The following KIRREL3 variants were observed in gnomAD, a reference collection of about 807,000 sequenced individuals.
KIRREL3 encodes the protein kirre like nephrin family adhesion molecule 3.
A neutral mutation model predicts 89.7 loss-of-function variants in KIRREL3; 36 were observed. The observed-to-expected ratio is 0.40, with a 90% CI of 0.31 to 0.53. KIRREL3 has a LOEUF of 0.53. Among genes scored for constraint, KIRREL3 ranks in the 20% least tolerant of loss-of-function variants. The pLI is 0.49. For synonymous variants in KIRREL3, 445 were observed against 441.4 expected (o/e 1.01, Z -0.10); for missense variants, 864 against 1,056.6 (o/e 0.82, Z 2.53).
intron 1 of KIRREL3, among the ~76,000 whole-genome samples, chr11:126,881,999 G>T (rs961711298): frequency 2.0e-5 from 3 of 152,238 alleles, no homozygotes; most frequent in African/African-American, 7.2e-5. Flanking sequence ...AGGGGTGTGC[G>T]TATATATGGG....
At chr11:126,767,040 A>G (rs1949846202) in intron 1 of KIRREL3, among the ~76,000 whole-genome samples, 1 of 152,216 alleles carries the variant, frequency 6.6e-6, no homozygotes, top group African/African-American at 2.4e-5. Flanking sequence ...CATGAGAGGT[A>G]CAGGGCTGAT....
intron 1 of KIRREL3, among the ~76,000 whole-genome samples, chr11:126,665,774 A>C (rs1409417521): frequency 6.6e-6 from 1 of 152,248 alleles, no homozygotes; most frequent in African/African-American, 2.4e-5. Flanking sequence ...CCAGTGGTGA[A>C]GAGCACAGAC....
chr11:126,798,797 A>T (rs1950892926), intron 1 of KIRREL3, among the ~76,000 whole-genome samples: 1 of 152,204 alleles, frequency 6.6e-6, no homozygotes, highest in Non-Finnish European at 1.5e-5. Context: ...TTGACTGAGG[A>T]GGCAAAATGC....
intron 1 of KIRREL3, among the ~76,000 whole-genome samples, chr11:126,894,401 T>C (rs1946055434): frequency 6.6e-6 from 1 of 151,420 alleles, no homozygotes; most frequent in Admixed American, 6.6e-5. Context: ...ATGCTTTGAG[T>C]GATTCTTATT....
chr11:126,508,048 G>T lies in KIRREL3; in HGVS notation c.433+13267C>A, dbSNP rs1166502814. On this transcript the variant is annotated intron_variant, in intron 4 of 16. Transcript: ENST00000525144. This position sits in a 1 kb window ranked among gnomAD's most constrained non-coding sequence, Gnocchi z 4.9. ...GGGTAGGGCAGAGATAGTCCTTCCT[G>T]GGGGGTGGCTGTGTGGCCATCAGCC... Among the ~76,000 whole-genome samples, 2 of 152,212 alleles carry T rather than the reference G, an allele frequency of 1.3e-5. No individual in the cohort carries two copies.
At position 126,996,398 on chromosome 11, in the gene KIRREL3, C is replaced by T. The variant is rs1383493655; in HGVS notation, c.55+4057G>A. On this transcript the variant is annotated intron_variant, in intron 1 of 16. Coordinates refer to ENST00000525144, the MANE Select transcript of KIRREL3 (RefSeq NM_032531.4). The surrounding 1 kb of genome is among the most constrained non-coding windows in gnomAD (Gnocchi z 4.7). ...TTTGCTGATTCCTTCTCTGCCTGTA[C>T]CCCCTATGATCCCTCCATTCTTTAG... 6.6e-6 allele frequency among the ~76,000 whole-genome samples: 1 copy of T among 152,254 alleles called. No homozygotes were observed. The highest frequency in any genetic ancestry group is 2.4e-5 in the African/African-American group (1 of 41,546).
In KIRREL3 at chr11:126,607,880, C is replaced by T. The variant is rs569094433; in HGVS notation, c.56-44968G>A. 6.6e-6 allele frequency among the ~76,000 whole-genome samples: 1 copy of T among 152,330 alleles called. No individual in the cohort carries two copies. The highest frequency in any genetic ancestry group is 6.5e-5 in the Admixed American group (1 of 15,310). ...CCACCCACTGCAAGGACGAACATCACTACTGGGTCAGCTCTGCAGCTGCAA... is the reference window on the plus strand; with the variant it reads ...CCACCCACTGCAAGGACGAACATCATTACTGGGTCAGCTCTGCAGCTGCAA... On this transcript the variant is annotated intron_variant, in intron 1 of 16. Transcript: ENST00000525144. The surrounding 1 kb of genome is among the most constrained non-coding windows in gnomAD (Gnocchi z 6.6).
chr11:126,493,452 G>A (rs1256715831), intron 4 of KIRREL3, among the ~76,000 whole-genome samples: 3 of 151,824 alleles, frequency 2.0e-5, no homozygotes, highest in South Asian at 2.1e-4. Context: ...TCAGGAGATC[G>A]AGACCACCCT....
intron 8 of KIRREL3, among the ~76,000 whole-genome samples, chr11:126,447,168 G>A (rs1295202180): frequency 6.6e-6 from 1 of 152,204 alleles, no homozygotes; most frequent in Non-Finnish European, 1.5e-5. Context: ...GAAGGTGCTG[G>A]GGACCAGGTT....
At position 126,455,335 on chromosome 11, in the gene KIRREL3, G is replaced by T. The variant is rs539314400; in HGVS notation, c.848+1014C>A. Among the ~76,000 whole-genome samples, 89 of 152,312 alleles carry T rather than the reference G, an allele frequency of 5.8e-4. 1 individual carries two copies. In the South Asian group the frequency reaches 0.017, roughly 30 times the overall value. ...AGTGACAGTGCCCAGGCAGAAAGGC[G>T]CCCAGAGGAAGCGTGTGTTTATTGG... On this transcript the variant is annotated intron_variant, in intron 7 of 16. Transcript: ENST00000525144. This position sits in a 1 kb window ranked among gnomAD's most constrained non-coding sequence, Gnocchi z 6.4.
Position 126,780,468 on chromosome 11 carries a change from G to T in KIRREL3, c.56-217556C>A, listed in dbSNP as rs954597957. Among the ~76,000 whole-genome samples, 2 of 152,212 alleles carry T rather than the reference G, an allele frequency of 1.3e-5. No homozygotes were observed. The highest frequency in any genetic ancestry group is 2.9e-5 in the Non-Finnish European group (2 of 68,038). On this transcript the variant is annotated intron_variant, in intron 1 of 16. Coordinates refer to ENST00000525144, the MANE Select transcript of KIRREL3 (RefSeq NM_032531.4). The surrounding 1 kb of genome is among the most constrained non-coding windows in gnomAD (Gnocchi z 5.3). ...TTACCTGATGTGGAACATATGCTGGGATCAGAATGACAGAGAATAAATCAC... is the reference window on the plus strand; with the variant it reads ...TTACCTGATGTGGAACATATGCTGGTATCAGAATGACAGAGAATAAATCAC...
rs1378223678 is a variant in KIRREL3, at chr11:126,769,158, C to A, written c.56-206246G>T. 6.6e-6 allele frequency among the ~76,000 whole-genome samples: 1 copy of A among 152,194 alleles called. No individual in the cohort carries two copies. Among genetic ancestry groups the A allele is most frequent in the African/African-American group, 2.4e-5 (1 of 41,446 alleles). On this transcript the variant is annotated intron_variant, in intron 1 of 16. Transcript: ENST00000525144. The surrounding 1 kb of genome is among the most constrained non-coding windows in gnomAD (Gnocchi z 4.3). ...CTTCCCCTCTTCCCACAGGTCCCATCTCTGCCAGTCACTGCTTTCCCTTCC... is the reference window on the plus strand; with the variant it reads ...CTTCCCCTCTTCCCACAGGTCCCATATCTGCCAGTCACTGCTTTCCCTTCC...
At chr11:126,907,209 G>T (rs1256877717) in intron 1 of KIRREL3, among the ~76,000 whole-genome samples, 1 of 152,190 alleles carries the variant, frequency 6.6e-6, no homozygotes, top group Non-Finnish European at 1.5e-5. Context: ...CCACTGATTG[G>T]ATAAGGTGAG....
In KIRREL3 at chr11:126,900,130, C is replaced by A. The variant is rs564365890; in HGVS notation, c.55+100325G>T. On this transcript the variant is annotated intron_variant, in intron 1 of 16. Coordinates refer to ENST00000525144, the MANE Select transcript of KIRREL3 (RefSeq NM_032531.4). The surrounding 1 kb of genome is among the most constrained non-coding windows in gnomAD (Gnocchi z 4.4). Reference sequence around the variant, plus strand: ...CACAATGGAGACACACTCCTTGGGTCAGGAAACTAAATGTGAGTGTATCTG... The same window carrying A: ...CACAATGGAGACACACTCCTTGGGTAAGGAAACTAAATGTGAGTGTATCTG... Among the ~76,000 whole-genome samples, 27 of 152,194 alleles carry A rather than the reference C, an allele frequency of 1.8e-4. No homozygotes were observed. Among genetic ancestry groups the A allele is most frequent in the Non-Finnish European group, 3.7e-4 (25 of 68,046 alleles).
In KIRREL3 at chr11:126,983,482, A is replaced by T. The variant is rs1383039155; in HGVS notation, c.55+16973T>A. Among the ~76,000 whole-genome samples, 1 of 152,148 alleles carries T rather than the reference A, an allele frequency of 6.6e-6. No homozygotes were observed. The highest frequency in any genetic ancestry group is 1.5e-5 in the Non-Finnish European group (1 of 68,038). ...ATTAAGTTAAGGTCTTGAGAGAGAGAGATTTTCCTAAATTACCCTCTGTGG... is the reference window on the plus strand; with the variant it reads ...ATTAAGTTAAGGTCTTGAGAGAGAGTGATTTTCCTAAATTACCCTCTGTGG... On this transcript the variant is annotated intron_variant, in intron 1 of 16. Transcript: ENST00000525144. This position sits in a 1 kb window ranked among gnomAD's most constrained non-coding sequence, Gnocchi z 4.9.
intron 2 of KIRREL3, among the ~76,000 whole-genome samples, chr11:126,559,174 G>C (rs1350178731): frequency 1.3e-5 from 2 of 152,176 alleles, no homozygotes; most frequent in Non-Finnish European, 2.9e-5. Flanking sequence ...GAAAGCCTGA[G>C]AGTGAGCACC....
At chr11:126,728,337 T>C (rs1387766705) in intron 1 of KIRREL3, among the ~76,000 whole-genome samples, 1 of 152,078 alleles carries the variant, frequency 6.6e-6, no homozygotes, top group Non-Finnish European at 1.5e-5. Flanking sequence ...GGCTCAGTGT[T>C]CTCCCGTGGC....
chr11:126,846,698 A>T (rs1028245588), intron 1 of KIRREL3, among the ~76,000 whole-genome samples: 1 of 152,166 alleles, frequency 6.6e-6, no homozygotes, highest in Admixed American at 6.5e-5. Flanking sequence ...AAAAAATTTC[A>T]CACGCAAGGT....
In KIRREL3 at chr11:126,867,342, C is replaced by T. The variant is rs924485212; in HGVS notation, c.55+133113G>A. On this transcript the variant is annotated intron_variant, in intron 1 of 16. Transcript: ENST00000525144. This position sits in a 1 kb window ranked among gnomAD's most constrained non-coding sequence, Gnocchi z 4.7. Reference sequence around the variant, plus strand: ...CCTGCACTCCAATGGGTCCAGGTGCCTCGAGGTTCTACACACGGCCTGCCT... The same window carrying T: ...CCTGCACTCCAATGGGTCCAGGTGCTTCGAGGTTCTACACACGGCCTGCCT... Among the ~76,000 whole-genome samples, 1 of 152,174 alleles carries T rather than the reference C, an allele frequency of 6.6e-6. No homozygotes were observed. Among genetic ancestry groups the T allele is most frequent in the Non-Finnish European group, 1.5e-5 (1 of 68,032 alleles).
Sources: allele counts gnomAD v4.1 joint callset (sites outside exome capture counted in the v4.1 genomes callset), GRCh38; gene constraint gnomAD v4.1.1; non-coding constraint Gnocchi (gnomAD v3.1); transcripts MANE v1.5; gene names NCBI Gene and HGNC (gene_info 2026-07-23, HGNC 2026-07-21).